Variants in JAZF1 observed in about 807,000 individuals in gnomAD.
The protein encoded by JAZF1 is juxtaposed with another zinc finger protein 1.
In JAZF1, 8 loss-of-function variants were observed where a neutral mutation model predicts 26.4. The observed-to-expected ratio is 0.30, with a 90% CI of 0.18 to 0.55. JAZF1 has a LOEUF of 0.55. Among genes scored for constraint, JAZF1 ranks in the 20% least tolerant of loss-of-function variants. The pLI, the probability that JAZF1 is intolerant of heterozygous loss-of-function variation, is 0.94. For missense variants in JAZF1, 199 were observed against 322.0 expected (o/e 0.62, Z 2.92); for synonymous variants, 126 against 122.3 (o/e 1.03, Z -0.20).
At chr7:27,960,822 G>A (rs993503914) in intron 2 of JAZF1, among the ~76,000 whole-genome samples, 5 of 152,156 alleles carry the variant, frequency 3.3e-5, no homozygotes, top group Non-Finnish European at 4.4e-5. Context: ...AGGAAGGTAC[G>A]CAGACAAGGA....
chr7:27,938,056 A>T (rs1399309824), intron 2 of JAZF1, among the ~76,000 whole-genome samples: 2 of 152,356 alleles, frequency 1.3e-5, no homozygotes, highest in East Asian at 3.9e-4. Flanking sequence ...TTACTGAACC[A>T]ATCTCAAACT....
chr7:28,074,327 T>A (rs1311850319), intron 1 of JAZF1, among the ~76,000 whole-genome samples: 1 of 152,162 alleles, frequency 6.6e-6, no homozygotes, highest in Admixed American at 6.5e-5. Flanking sequence ...AGTCATGGAA[T>A]AGAGAGGAAA....
chr7:27,952,818 A>G lies in JAZF1; in HGVS notation c.188+39091T>C, dbSNP rs558397336. 6.6e-5 allele frequency among the ~76,000 whole-genome samples: 10 copies of G among 152,320 alleles called. No homozygotes were observed. The South Asian group carries it at 8.3e-4, about 13-fold the overall frequency. On this transcript the variant is annotated intron_variant, in intron 2 of 4. Coordinates refer to ENST00000283928, the MANE Select transcript of JAZF1 (RefSeq NM_175061.4). ...CATGTTCAGGAAAAAACACATTAAG[A>G]TATTTTTATTCTTATGAGTGCAAGC...
At chr7:28,079,356 C>T (rs540721315) in intron 1 of JAZF1, among the ~76,000 whole-genome samples, 11 of 152,234 alleles carry the variant, frequency 7.2e-5, no homozygotes, top group African/African-American at 2.6e-4. Context: ...ATCACAGCAA[C>T]CACCTTCACT....
At chr7:28,056,435 TACACACAC>T (rs3073772) in intron 1 of JAZF1, among the ~76,000 whole-genome samples, 19,458 of 98,030 alleles carry the variant, frequency 0.2, 1,531 homozygotes, top group South Asian at 0.3. Flanking sequence ...TTTCAACAAC[TACACACAC>T]ACACACACAC....
intron 4 of JAZF1, among the ~76,000 whole-genome samples, chr7:27,834,168 C>CT (rs1782762235): frequency 6.6e-6 from 1 of 152,340 alleles, no homozygotes; most frequent in East Asian, 1.9e-4. Flanking sequence ...CAGCTCCCTG[C>CT]TGTTGTCTCA....
At chr7:27,912,642 C>T (rs1293571633) in intron 2 of JAZF1, among the ~76,000 whole-genome samples, 1 of 152,026 alleles carries the variant, frequency 6.6e-6, no homozygotes, top group Non-Finnish European at 1.5e-5. Context: ...AAACAAAAAC[C>T]TTGAAATTTA....
chr7:28,066,445 T>C (rs1355240956), intron 1 of JAZF1, among the ~76,000 whole-genome samples: 2 of 151,146 alleles, frequency 1.3e-5, no homozygotes, highest in Non-Finnish European at 3.0e-5. Flanking sequence ...CTACTAAAAA[T>C]ACAAAAAATT....
At chr7:28,050,379 T>A (rs1440594518) in intron 1 of JAZF1, among the ~76,000 whole-genome samples, 1 of 152,148 alleles carries the variant, frequency 6.6e-6, no homozygotes, top group Non-Finnish European at 1.5e-5. Context: ...GAGTTTCTTT[T>A]GGGGGTGATG....
chr7:27,838,128 G>C (rs1477296956), intron 4 of JAZF1, among the ~76,000 whole-genome samples: 1 of 151,446 alleles, frequency 6.6e-6, no homozygotes, highest in African/African-American at 2.4e-5. Context: ...TGCTGTATAA[G>C]CTATGAGAAC....
At chr7:28,179,652 ACCT>A (rs1419588272) in intron 1 of JAZF1, among the ~76,000 whole-genome samples, 1 of 149,090 alleles carries the variant, frequency 6.7e-6, no homozygotes, top group Non-Finnish European at 1.5e-5. Context: ...CGCACCCAAG[ACCT>A]CAGCCCGCAG....
At chr7:28,133,465 T>A (rs948189190) in intron 1 of JAZF1, among the ~76,000 whole-genome samples, 2 of 152,204 alleles carry the variant, frequency 1.3e-5, no homozygotes, top group Non-Finnish European at 2.9e-5. Flanking sequence ...TTTTTTAAGA[T>A]CTGCCAGGAG....
intron 1 of JAZF1, among the ~76,000 whole-genome samples, chr7:28,111,975 A>G (rs1784668076): frequency 6.6e-6 from 1 of 152,164 alleles, no homozygotes; most frequent in Admixed American, 6.5e-5. Context: ...ATGGTGCTAT[A>G]CCAACATCTA....
At chr7:28,014,488 A>G (rs1034929883) in intron 1 of JAZF1, among the ~76,000 whole-genome samples, 4 of 152,204 alleles carry the variant, frequency 2.6e-5, no homozygotes, top group African/African-American at 9.7e-5. Flanking sequence ...TTGTTGTGAC[A>G]GTGAATAAGT....
intron 3 of JAZF1, among the ~76,000 whole-genome samples, chr7:27,847,707 G>A (rs1169321051): frequency 1.3e-5 from 2 of 152,124 alleles, no homozygotes; most frequent in East Asian, 1.9e-4. Flanking sequence ...TTGCACTGTC[G>A]CCCAGGCTGG....
At chr7:27,983,020 A>G (rs1165280762) in intron 2 of JAZF1, among the ~76,000 whole-genome samples, 1 of 152,226 alleles carries the variant, frequency 6.6e-6, no homozygotes, top group Admixed American at 6.5e-5. Flanking sequence ...GAAAATTCTA[A>G]AAATCAGAGC....
intron 2 of JAZF1, among the ~76,000 whole-genome samples, chr7:27,910,877 A>G (rs868207848): frequency 6.6e-6 from 1 of 152,162 alleles, no homozygotes; most frequent in Non-Finnish European, 1.5e-5. Context: ...CCAAGTATCC[A>G]CTGAAGCAAT....
chr7:28,178,687 A>C (rs1783584611), intron 1 of JAZF1, among the ~76,000 whole-genome samples: 1 of 152,182 alleles, frequency 6.6e-6, no homozygotes, highest in African/African-American at 2.4e-5. Context: ...TAATACTTTC[A>C]AGCACTTTCA....
chr7:28,147,929 G>C (rs571512836), intron 1 of JAZF1, among the ~76,000 whole-genome samples: 6 of 151,958 alleles, frequency 3.9e-5, no homozygotes, highest in African/African-American at 1.2e-4. Context: ...GAAAAGAAAA[G>C]AAAAAGAAAT....
Sources: allele counts gnomAD v4.1 joint callset (sites outside exome capture counted in the v4.1 genomes callset), GRCh38; gene constraint gnomAD v4.1.1; transcripts MANE v1.5; gene names NCBI Gene and HGNC (gene_info 2026-07-23, HGNC 2026-07-21).